The following G3BP2 variants were observed in gnomAD, a reference collection of about 807,000 sequenced individuals.
G3BP2 encodes G3BP stress granule assembly factor 2, also known as ras GTPase-activating protein-binding protein 2.
A neutral mutation model predicts 56.7 loss-of-function variants in G3BP2; 11 were observed. The ratio of observed to expected loss-of-function variants is 0.19; its 90% confidence interval spans 0.12 to 0.32. The LOEUF (loss-of-function observed/expected upper bound fraction) is 0.32. G3BP2 is among the 10% of genes least tolerant of loss of function. G3BP2 has a pLI of 1.00. For synonymous variants in G3BP2, 165 were observed against 191.6 expected (o/e 0.86, Z 1.15); for missense variants, 340 against 610.9 (o/e 0.56, Z 4.67).
intron 3 of G3BP2, among the ~76,000 whole-genome samples, chr4:75,702,171 A>ATTTTTTTTTTTTTTTTTTTTTTTTTTTT (rs57529973): frequency 9.3e-6 from 1 of 107,480 alleles, no homozygotes. Flanking sequence ...AAACCCCCCA[A>ATTTTTTTTTTTTTTTTTTTTTTTTTTTT]TTTTTTTTTT....
chr4:75,673,216 A>AACG lies in G3BP2; in HGVS notation c.-36_-34dup. Reference sequence around the variant, plus strand: ...CCGGCGCCCGTACACACCTCCAGCCAACGGCGGCGGCGGGTACGTCGCGCG... The same window carrying AACG: ...CCGGCGCCCGTACACACCTCCAGCCAACGACGGCGGCGGCGGGTACGTCGCGCG... On this transcript the variant is annotated 5_prime_UTR_variant, in exon 1 of 12. Coordinates refer to ENST00000359707, the MANE Select transcript of G3BP2 (RefSeq NM_203505.3). The AACG allele has an allele frequency of 8.3e-7, 1 of 1,208,712 alleles. No homozygotes were observed. The highest frequency in any genetic ancestry group is 1.6e-5 in the African/African-American group (1 of 64,004). 74.9% of individuals were successfully genotyped at this position (1,208,712 alleles called of 1,614,324 possible).
chr4:75,663,966 A>T (rs1732780954), intron 1 of G3BP2, among the ~76,000 whole-genome samples: 1 of 36,486 alleles, frequency 2.7e-5, no homozygotes, highest in African/African-American at 9.9e-5. Context: ...GCTCACTGCA[A>T]CCTCTGCCTC....
At chr4:75,675,841 T>C (rs1733856522), upstream of G3BP2, among the ~76,000 whole-genome samples, 1 of 152,106 alleles carries the variant, frequency 6.6e-6, no homozygotes, top group Non-Finnish European at 1.5e-5. Context: ...GCAAACGGTT[T>C]GATAAGGGAA....
At chr4:75,673,987 A>G (rs1474798362), upstream of G3BP2, 1 of 153,146 alleles carries the variant, frequency 6.5e-6, no homozygotes, top group Non-Finnish European at 1.5e-5. Context: ...GGAAAAGACT[A>G]TTTCTTTGTG....
At chr4:75,701,245 G>A (rs551354857) in intron 3 of G3BP2, among the ~76,000 whole-genome samples, 2 of 152,228 alleles carry the variant, frequency 1.3e-5, no homozygotes, top group Admixed American at 6.5e-5. Flanking sequence ...CTGTCATCTG[G>A]ACTCCACAAA....
intron 1 of G3BP2, chr4:75,670,432 G>C (rs1256006681): frequency 6.6e-6 from 1 of 152,258 alleles, no homozygotes; most frequent in East Asian, 1.9e-4. Flanking sequence ...GAAGATCTAA[G>C]AATCATAGTG....
intron 3 of G3BP2, among the ~76,000 whole-genome samples, chr4:75,698,778 A>G (rs1289654635): frequency 6.6e-6 from 1 of 152,078 alleles, no homozygotes; most frequent in African/African-American, 2.4e-5. Context: ...ATCACGGCTC[A>G]CTGAAGCCTC....
At chr4:75,652,190 G>A (rs1306379189) in intron 8 of G3BP2, among the ~76,000 whole-genome samples, 1 of 152,088 alleles carries the variant, frequency 6.6e-6, no homozygotes, top group African/African-American at 2.4e-5. Context: ...TATATTTAAG[G>A]CAAACTACTT....
At chr4:75,662,540 C>T (rs1464600678) in intron 1 of G3BP2, 1 of 152,178 alleles carries the variant, frequency 6.6e-6, no homozygotes, top group Non-Finnish European at 1.5e-5. Context: ...AATAAATTTT[C>T]TTAGTCATAC....
At chr4:75,688,190 CAGAG>C (rs1456837204) in intron 3 of G3BP2, among the ~76,000 whole-genome samples, 1 of 151,338 alleles carries the variant, frequency 6.6e-6, no homozygotes, top group Non-Finnish European at 1.5e-5. Flanking sequence ...TAATAGAGAA[CAGAG>C]AGTTTATTTT....
At chr4:75,655,366 G>A (rs1732014547) in intron 6 of G3BP2, 120 bp from the exon 7 acceptor site, 8 of 732,062 alleles carry the variant, frequency 1.1e-5, no homozygotes. Flanking sequence ...GATCTACAAA[G>A]TATTCAAAGC....
intron 7 of G3BP2, 79 bp downstream of exon 7, chr4:75,654,987 T>C (rs1486574043): frequency 2.6e-5 from 23 of 876,888 alleles, no homozygotes; most frequent in South Asian, 6.7e-5. Flanking sequence ...TTTAACATAA[T>C]AGAAAAAGGT....
intron 1 of G3BP2, among the ~76,000 whole-genome samples, chr4:75,667,401 T>C (rs1248953812): frequency 6.6e-6 from 1 of 152,138 alleles, no homozygotes; most frequent in Non-Finnish European, 1.5e-5. Flanking sequence ...TTCAATAAGG[T>C]GGTTGTTAGC....
intron 3 of G3BP2, among the ~76,000 whole-genome samples, chr4:75,695,155 AAGGCATC>A (rs1719050248): frequency 6.6e-6 from 1 of 152,136 alleles, no homozygotes; most frequent in South Asian, 2.1e-4. Flanking sequence ...CTAAACAAAA[AAGGCATC>A]AGACCTGGAG....
upstream of G3BP2, among the ~76,000 whole-genome samples, chr4:75,674,718 A>ATATATATATATATATAT (rs1241041465): frequency 5.6e-5 from 4 of 71,418 alleles, no homozygotes; most frequent in African/African-American, 2.4e-4. Flanking sequence ...ATATATATAT[A>ATATATATATATATATAT]TTTTTTTTTT....
At chr4:75,696,572 G>GA (rs1719128928) in intron 3 of G3BP2, among the ~76,000 whole-genome samples, 1 of 152,166 alleles carries the variant, frequency 6.6e-6, no homozygotes, top group Admixed American at 6.6e-5. Flanking sequence ...TGCCTATGAA[G>GA]AAAGGAGTTA....
At chr4:75,687,911 T>G (rs1718679105) in intron 3 of G3BP2, among the ~76,000 whole-genome samples, 1 of 152,192 alleles carries the variant, frequency 6.6e-6, no homozygotes, top group African/African-American at 2.4e-5. Flanking sequence ...GGTGGCCAAG[T>G]GAAAGCTATT....
chr4:75,689,619 G>A (rs1208073845), intron 3 of G3BP2, among the ~76,000 whole-genome samples: 1 of 152,184 alleles, frequency 6.6e-6, no homozygotes, highest in Non-Finnish European at 1.5e-5. Flanking sequence ...CCAGTCCTCT[G>A]AATTTAAATT....
chr4:75,675,693 G>A (rs1328870351), upstream of G3BP2, among the ~76,000 whole-genome samples: 1 of 152,188 alleles, frequency 6.6e-6, no homozygotes, highest in Non-Finnish European at 1.5e-5. Context: ...TCGGGAGGCT[G>A]AGGCAGGAGA....
Sources: gnomAD v4.1 joint callset for allele counts (sites outside exome capture counted in the v4.1 genomes callset) on GRCh38, gnomAD v4.1.1 for gene constraint, MANE v1.5 for transcripts, NCBI Gene and HGNC (gene_info 2026-07-23, HGNC 2026-07-21) for gene names.